Variants in OSBPL1A observed in about 807,000 individuals in gnomAD.
The protein encoded by OSBPL1A is oxysterol binding protein like 1A.
In OSBPL1A, 80 loss-of-function variants were observed where a neutral mutation model predicts 137.1. The observed-to-expected ratio is 0.58, with a 90% CI of 0.49 to 0.70. The LOEUF (loss-of-function observed/expected upper bound fraction) is 0.70. Among genes scored for constraint, OSBPL1A ranks in the 30% least tolerant of loss-of-function variants. The pLI is 0.00. For missense variants in OSBPL1A, 970 were observed against 1,129.4 expected (o/e 0.86, Z 2.02); for synonymous variants, 365 against 389.7 (o/e 0.94, Z 0.75).
At chr18:24,324,983 G>C (rs1410788857) in intron 7 of OSBPL1A, among the ~76,000 whole-genome samples, 1 of 151,876 alleles carries the variant, frequency 6.6e-6, no homozygotes, top group East Asian at 1.9e-4. Flanking sequence ...CCACGCGGGA[G>C]GCTGAGGCAG....
At chr18:24,234,191 T>G (rs1268799708) in intron 16 of OSBPL1A, among the ~76,000 whole-genome samples, 3 of 152,214 alleles carry the variant, frequency 2.0e-5, no homozygotes, top group African/African-American at 7.2e-5. Context: ...ATAAGCTTAT[T>G]TGAAGAATAC....
At chr18:24,177,389 T>C (rs1198478948) in intron 21 of OSBPL1A, among the ~76,000 whole-genome samples, 1 of 152,240 alleles carries the variant, frequency 6.6e-6, no homozygotes, top group Non-Finnish European at 1.5e-5. Flanking sequence ...GGGAGAAATA[T>C]ATAAAACCAG....
intron 17 of OSBPL1A, among the ~76,000 whole-genome samples, chr18:24,213,091 C>T (rs930782740): frequency 6.6e-6 from 1 of 152,258 alleles, no homozygotes; most frequent in East Asian, 1.9e-4. Flanking sequence ...TAGTCAGAGA[C>T]GAGGGTGACT....
chr18:24,258,197 GC>G, intron 15 of OSBPL1A, among the ~76,000 whole-genome samples: 1 of 152,286 alleles, frequency 6.6e-6, no homozygotes, highest in Admixed American at 6.5e-5. Flanking sequence ...GTTCACAATA[GC>G]CAAGATTTGG....
chr18:24,315,931 ATAATAT>A (rs1002230162), intron 11 of OSBPL1A, among the ~76,000 whole-genome samples: 3 of 138,166 alleles, frequency 2.2e-5, no homozygotes, highest in Non-Finnish European at 3.0e-5. Context: ...TTATATAATA[ATAATAT>A]TAATAATATT....
Position 24,225,032 on chromosome 18 carries a change from G to A in OSBPL1A, c.1601+10C>T. ...AACGCAGCAGTGACAACTGTCAGAG[G>A]CGATCCTACCTGTGTTTCTTGATGC... is the stretch of plus-strand genomic sequence containing the variant. On this transcript the variant is annotated intron_variant, in intron 17 of 27. Transcript: ENST00000319481. 1 of 1,613,990 alleles carries A rather than the reference G, an allele frequency of 6.2e-7. No homozygotes were observed. Among genetic ancestry groups the A allele is most frequent in the African/African-American group, 1.3e-5 (1 of 75,044 alleles).
intron 17 of OSBPL1A, among the ~76,000 whole-genome samples, chr18:24,209,177 A>C (rs1003236243): frequency 2.2e-4 from 34 of 152,360 alleles, no homozygotes; most frequent in African/African-American, 8.2e-4. Flanking sequence ...TACTCATGAT[A>C]CGTGTATTTG....
intron 18 of OSBPL1A, among the ~76,000 whole-genome samples, chr18:24,193,803 C>T (rs1030418009): frequency 1.3e-5 from 2 of 152,162 alleles, no homozygotes; most frequent in Admixed American, 6.5e-5. Flanking sequence ...TGATTCAGAA[C>T]ATTCTATGGA....
chr18:24,310,309 C>T (rs1191593349), intron 13 of OSBPL1A, among the ~76,000 whole-genome samples: 2 of 151,062 alleles, frequency 1.3e-5, no homozygotes, highest in African/African-American at 2.4e-5. Context: ...GAAATCTTGC[C>T]GGGATGTTGT....
chr18:24,274,069 A>G (rs1171206797), intron 15 of OSBPL1A, among the ~76,000 whole-genome samples: 2 of 152,066 alleles, frequency 1.3e-5, no homozygotes, highest in African/African-American at 4.8e-5. Flanking sequence ...CCCCGTTTCT[A>G]CTAAAAATAC....
intron 7 of OSBPL1A, among the ~76,000 whole-genome samples, chr18:24,328,269 C>T (rs1370341327): frequency 7.7e-6 from 1 of 129,710 alleles, no homozygotes; most frequent in African/African-American, 3.0e-5. Flanking sequence ...GGTTTGTTAG[C>T]CAGGATGGTC....
At chr18:24,164,574 G>A (rs1047003712) in intron 27 of OSBPL1A, among the ~76,000 whole-genome samples, 2 of 151,858 alleles carry the variant, frequency 1.3e-5, no homozygotes, top group South Asian at 2.1e-4. Flanking sequence ...GACTACAGGC[G>A]CCCGCCACCA....
chr18:24,206,976 A>T (rs1567945319), intron 17 of OSBPL1A, among the ~76,000 whole-genome samples: 1 of 152,176 alleles, frequency 6.6e-6, no homozygotes, highest in Non-Finnish European at 1.5e-5. Context: ...TGCATATGAC[A>T]GGTGCTCAAA....
intron 1 of OSBPL1A, among the ~76,000 whole-genome samples, chr18:24,392,230 G>A (rs988970330): frequency 4.6e-5 from 7 of 151,702 alleles, no homozygotes; most frequent in Admixed American, 1.3e-4. Context: ...GCGCCATCTC[G>A]GTTCACCGCA....
Position 24,288,747 on chromosome 18 carries a change from A to T in OSBPL1A, c.1175-7799T>A, listed in dbSNP as rs1191747018. 2.0e-5 allele frequency among the ~76,000 whole-genome samples: 3 copies of T among 146,626 alleles called. No individual in the cohort carries two copies. The East Asian group carries it at 5.8e-4, about 28-fold the overall frequency. On this transcript the variant is annotated intron_variant, in intron 14 of 27. Transcript: ENST00000319481. The stretch of plus-strand genomic sequence containing the variant: ...CGGCCATTGCACTCCAGCCTGGGTG[A>T]CAGAGCAAGACTGTCTCAAAAAAAA...
chr18:24,375,963 T>C (rs1234674105), intron 2 of OSBPL1A, among the ~76,000 whole-genome samples: 1 of 152,182 alleles, frequency 6.6e-6, no homozygotes, highest in Non-Finnish European at 1.5e-5. Flanking sequence ...TTCCTCCCGG[T>C]GGGCTCGTGG....
At chr18:24,290,014 T>C (rs1302183491) in intron 14 of OSBPL1A, among the ~76,000 whole-genome samples, 2 of 152,116 alleles carry the variant, frequency 1.3e-5, no homozygotes, top group Non-Finnish European at 2.9e-5. Context: ...AGTTGAACCA[T>C]TGTAAGTTAG....
chr18:24,303,844 A>G, intron 13 of OSBPL1A, 126 bp from the exon 14 acceptor site: 1 of 652,394 alleles, frequency 1.5e-6, no homozygotes, highest in Admixed American at 2.9e-5. Context: ...CATATGCCTT[A>G]AAGAAAAGAA....
chr18:24,388,378 T>C (rs967478022), intron 1 of OSBPL1A, among the ~76,000 whole-genome samples: 6 of 152,176 alleles, frequency 3.9e-5, no homozygotes, highest in Admixed American at 6.5e-5. Flanking sequence ...ACTTAGTCCT[T>C]TGAAAACAAA....
Sources: gnomAD v4.1 joint callset for allele counts (sites outside exome capture counted in the v4.1 genomes callset) on GRCh38, gnomAD v4.1.1 for gene constraint, MANE v1.5 for transcripts, NCBI Gene and HGNC (gene_info 2026-07-23, HGNC 2026-07-21) for gene names.